Variants in GLRA3 observed in about 807,000 individuals in gnomAD.
GLRA3 encodes the protein glycine receptor subunit alpha-3.
In GLRA3, 44 loss-of-function variants were observed where a neutral mutation model predicts 60.4. That is an observed-to-expected ratio of 0.73 (90% CI 0.57 to 0.94). GLRA3 has a LOEUF of 0.94. GLRA3 is among the 40% of genes least tolerant of loss of function. GLRA3 has a pLI of 0.00. For synonymous variants in GLRA3, 223 were observed against 192.9 expected (o/e 1.16, Z -1.29); for missense variants, 508 against 564.6 (o/e 0.90, Z 1.02).
chr4:174,743,282 C>T (rs973784987), intron 3 of GLRA3, among the ~76,000 whole-genome samples: 88 of 152,244 alleles, frequency 5.8e-4, no homozygotes, highest in African/African-American at 2.0e-3. Flanking sequence ...ATTAAAGAAT[C>T]TAATATCCTC....
At chr4:174,683,968 T>C (rs1373449232) in intron 5 of GLRA3, among the ~76,000 whole-genome samples, 1 of 152,228 alleles carries the variant, frequency 6.6e-6, no homozygotes, top group Admixed American at 6.5e-5. Flanking sequence ...ATTATTGATA[T>C]ATATGGGCTT....
At chr4:174,726,609 C>G (rs1736334319) in intron 4 of GLRA3, among the ~76,000 whole-genome samples, 1 of 152,106 alleles carries the variant, frequency 6.6e-6, no homozygotes, top group Non-Finnish European at 1.5e-5. Flanking sequence ...ATCTTCAAGT[C>G]TAGGATGTAC....
chr4:174,786,378 T>A (rs953066473), intron 2 of GLRA3, among the ~76,000 whole-genome samples: 2 of 152,130 alleles, frequency 1.3e-5, no homozygotes, highest in African/African-American at 2.4e-5. Context: ...CTATGTTTGA[T>A]GAGCTTATTT....
chr4:174,824,345 T>G (rs1233338242), intron 1 of GLRA3, among the ~76,000 whole-genome samples: 1 of 152,196 alleles, frequency 6.6e-6, no homozygotes, highest in Non-Finnish European at 1.5e-5. Context: ...CTATCACCAA[T>G]CCTATGACTA....
At chr4:174,804,732 G>A (rs926123452) in intron 1 of GLRA3, among the ~76,000 whole-genome samples, 8 of 152,164 alleles carry the variant, frequency 5.3e-5, no homozygotes, top group South Asian at 4.1e-4. Flanking sequence ...CACAGAACGC[G>A]CGGTCCTGGA....
intron 6 of GLRA3, among the ~76,000 whole-genome samples, chr4:174,678,272 T>G (rs1734205275): frequency 6.6e-6 from 1 of 152,192 alleles, no homozygotes; most frequent in Admixed American, 6.5e-5. Flanking sequence ...CGATATTTTT[T>G]GCTTGTGTCC....
chr4:174,649,462 C>T (rs1466592251), intron 9 of GLRA3, among the ~76,000 whole-genome samples: 2 of 152,146 alleles, frequency 1.3e-5, no homozygotes, highest in Non-Finnish European at 1.5e-5. Context: ...TAGTCCTGGG[C>T]AAGTCATTCC....
intron 5 of GLRA3, among the ~76,000 whole-genome samples, chr4:174,689,365 C>T (rs1414989028): frequency 6.6e-6 from 1 of 152,032 alleles, no homozygotes; most frequent in Non-Finnish European, 1.5e-5. Flanking sequence ...TGTGTAGCAG[C>T]AAAGTAAGAT....
chr4:174,749,030 A>G lies in GLRA3; in HGVS notation c.267+17933T>C, dbSNP rs546660994. Reference sequence around the variant, plus strand: ...ATTGAGTTTTTCCACAGTAGTGTCAATGGAGATTCCCTGTCATGTCACTAG... The same window carrying G: ...ATTGAGTTTTTCCACAGTAGTGTCAGTGGAGATTCCCTGTCATGTCACTAG... On this transcript the variant is annotated intron_variant, in intron 3 of 9. Transcript: ENST00000274093. 7.2e-5 allele frequency among the ~76,000 whole-genome samples: 11 copies of G among 152,234 alleles called. No individual in the cohort carries two copies. The East Asian group carries it at 1.7e-3, about 24-fold the overall frequency.
intron 5 of GLRA3, among the ~76,000 whole-genome samples, chr4:174,689,516 A>G (rs760836505): frequency 1.3e-5 from 2 of 151,952 alleles, no homozygotes; most frequent in Non-Finnish European, 2.9e-5. Flanking sequence ...TAGAGTATCC[A>G]TTACCCAAAT....
intron 1 of GLRA3, among the ~76,000 whole-genome samples, chr4:174,820,238 A>T (rs1276585842): frequency 6.6e-6 from 1 of 152,224 alleles, no homozygotes. Flanking sequence ...ACATAAAATT[A>T]GGAATAAAGA....
chr4:174,642,737 C>A lies in GLRA3; in HGVS notation c.*1049G>T. The A allele has an allele frequency of 1.4e-6, 1 of 735,082 alleles. No homozygotes were observed. Among genetic ancestry groups the A allele is most frequent in the Non-Finnish European group, 1.7e-6 (1 of 602,072 alleles). The allele number at this position is 735,082 out of a possible 1,614,324, so 45.5% of individuals were successfully genotyped here. On this transcript the variant is annotated 3_prime_UTR_variant, in exon 10 of 10. Coordinates refer to ENST00000274093, the MANE Select transcript of GLRA3 (RefSeq NM_006529.4). ...ATATCATTTAAAATTAAAACTTTCC[C>A]TACTTATATTTGGAGATAGGAGTTG...
chr4:174,639,089 C>A lies in GLRA3; in HGVS notation c.*4697G>T, dbSNP rs911538674. On this transcript the variant is annotated 3_prime_UTR_variant, in exon 10 of 10. Coordinates refer to ENST00000274093, the MANE Select transcript of GLRA3 (RefSeq NM_006529.4). The stretch of plus-strand genomic sequence containing the variant: ...GCTGTCTTTTGAAAAAGGTTTTTGA[C>A]AGTTATTTAGCTGTTCTTCAAAAAC... 1 of 152,056 alleles carries A rather than the reference C, an allele frequency of 6.6e-6. No individual in the cohort carries two copies. Among genetic ancestry groups the A allele is most frequent in the Non-Finnish European group, 1.5e-5 (1 of 67,998 alleles). The allele number at this position is 152,056 out of a possible 1,614,324, so 9.4% of individuals were successfully genotyped here.
chr4:174,645,420 C>CAAAAA (rs201216075), intron 9 of GLRA3, among the ~76,000 whole-genome samples: 2 of 76,130 alleles, frequency 2.6e-5, no homozygotes, highest in Admixed American at 1.6e-4. Context: ...ACTCCGTCTC[C>CAAAAA]AAAAAAAAAA....
At chr4:174,727,136 T>A (rs1485939) in intron 4 of GLRA3, among the ~76,000 whole-genome samples, 87,167 of 152,112 alleles carry the variant, frequency 0.57, 25,962 homozygotes, top group South Asian at 0.7. Context: ...AAATCTGTTC[T>A]CATGAACTAG....
intron 2 of GLRA3, among the ~76,000 whole-genome samples, chr4:174,771,393 A>G (rs951053754): frequency 1.3e-5 from 2 of 151,928 alleles, no homozygotes; most frequent in African/African-American, 2.4e-5. Context: ...CCAATCTTTC[A>G]TATTTTCTAG....
intron 8 of GLRA3, among the ~76,000 whole-genome samples, chr4:174,658,756 A>G (rs1186486479): frequency 6.6e-6 from 1 of 152,212 alleles, no homozygotes; most frequent in African/African-American, 2.4e-5. Context: ...TGCAAGTAAG[A>G]AATGACATAA....
Position 174,656,226 on chromosome 4 carries a change from A to G in GLRA3, c.1116+517T>C, listed in dbSNP as rs115304451. ...ATAATTTCAAAGGATGCTGCTATCA[A>G]AACTAAATTGTTCACTTGCTATAAG... On this transcript the variant is annotated intron_variant, in intron 9 of 9. Transcript: ENST00000274093. Among the ~76,000 whole-genome samples the G allele has an allele frequency of 6.8e-3, 1,041 of 152,240 alleles. 10 individuals carry two copies. Among genetic ancestry groups the G allele is most frequent in the African/African-American group, 0.024 (978 of 41,566 alleles).
chr4:174,734,172 T>A (rs1736677553), intron 3 of GLRA3, among the ~76,000 whole-genome samples: 1 of 152,186 alleles, frequency 6.6e-6, no homozygotes, highest in South Asian at 2.1e-4. Context: ...CAGAAAATAA[T>A]TCACCTTTGT....
Sources: allele counts gnomAD v4.1 joint callset (sites outside exome capture counted in the v4.1 genomes callset), GRCh38; gene constraint gnomAD v4.1.1; transcripts MANE v1.5; gene names NCBI Gene and HGNC (gene_info 2026-07-23, HGNC 2026-07-21).